The following TJP1 variants were observed in gnomAD, a reference collection of about 807,000 sequenced individuals.
TJP1 encodes the protein tight junction protein 1.
Under a neutral mutation model 194.2 loss-of-function variants are expected in TJP1, and 43 were observed. The ratio of observed to expected loss-of-function variants is 0.22; its 90% CI spans 0.17 to 0.29. The LOEUF (loss-of-function observed/expected upper bound fraction) is 0.29. TJP1 is among the 10% of genes least tolerant of loss of function. The probability of loss-of-function intolerance (pLI) is 1.00; values close to 1 mark genes in which losing one functional copy is unlikely to be tolerated. For missense variants in TJP1, 1,971 were observed against 2,185.7 expected, an observed-to-expected ratio of 0.90 and a Z score of 1.96; for synonymous variants, 801 against 779.0, an observed-to-expected ratio of 1.03 and a Z score of -0.47.
intron 2 of TJP1, among the ~76,000 whole-genome samples, chr15:29,870,627 G>A (rs761707736): frequency 1.2e-4 from 18 of 152,244 alleles, no homozygotes; most frequent in Non-Finnish European, 1.5e-4. Context: ...TTTAGCTTGC[G>A]GGTGAGTGTT....
chr15:29,929,383 C>G (rs1038438378), intron 2 of TJP1, among the ~76,000 whole-genome samples: 2 of 151,878 alleles, frequency 1.3e-5, no homozygotes, highest in African/African-American at 2.4e-5. Context: ...AAGAAGAAAG[C>G]CTGAAAACCA....
chr15:29,851,619 A>T (rs1428306234), intron 2 of TJP1, among the ~76,000 whole-genome samples: 1 of 152,240 alleles, frequency 6.6e-6, no homozygotes, highest in Non-Finnish European at 1.5e-5. Flanking sequence ...GCTTATATGG[A>T]AAGGAAAAGA....
intron 2 of TJP1, among the ~76,000 whole-genome samples, chr15:29,829,323 C>T (rs2050766696): frequency 6.6e-6 from 1 of 152,166 alleles, no homozygotes; most frequent in African/African-American, 2.4e-5. Context: ...ATTCCTCCTA[C>T]TTTCCAAATG....
rs568929086 is a variant in TJP1, at chr15:29,714,743, G to A, written c.4202+1868C>T. Among the ~76,000 whole-genome samples, 821 of 135,534 alleles carry A rather than the reference G, an allele frequency of 6.1e-3. 1 individual carries two copies. Among genetic ancestry groups the A allele is most frequent in the Middle Eastern group, 0.016 (3 of 182 alleles). The allele number at this position is 135,534 out of a possible 152,430, so 88.9% of individuals were successfully genotyped here. A position where few individuals can be genotyped will look rare whatever the true frequency, so the allele number is the denominator to read the frequency against. Reference sequence around the variant, plus strand: ...TTTTTAGTAGAGATGGGGTTTCATCGTGTTAGCCAGGATGGTCTCGATCTC... The same window carrying A: ...TTTTTAGTAGAGATGGGGTTTCATCATGTTAGCCAGGATGGTCTCGATCTC... On this transcript the variant is annotated intron_variant, in intron 23 of 27. Transcript: ENST00000614355.
At chr15:29,937,284 C>A (rs1322120202) in intron 2 of TJP1, among the ~76,000 whole-genome samples, 1 of 152,076 alleles carries the variant, frequency 6.6e-6, no homozygotes, top group African/African-American at 2.4e-5. Flanking sequence ...AAACCTTGAA[C>A]AAACATTTGG....
chr15:29,967,936 T>C (rs924861638), intron 1 of TJP1, among the ~76,000 whole-genome samples: 1 of 152,224 alleles, frequency 6.6e-6, no homozygotes, highest in African/African-American at 2.4e-5. Context: ...AAAAGAATCT[T>C]AATCCTAAAT....
At chr15:29,926,166 G>C (rs910779695) in intron 2 of TJP1, among the ~76,000 whole-genome samples, 1 of 152,196 alleles carries the variant, frequency 6.6e-6, no homozygotes, top group African/African-American at 2.4e-5. Flanking sequence ...AAGTGTTTTT[G>C]TGAACTTTTA....
At chr15:29,747,850 T>C (rs1419379238) in intron 8 of TJP1, among the ~76,000 whole-genome samples, 2 of 152,210 alleles carry the variant, frequency 1.3e-5, no homozygotes, top group Admixed American at 6.5e-5. Context: ...ATTTTTATCT[T>C]TGGCCAATTT....
At chr15:29,928,042 T>C (rs1296085988) in intron 2 of TJP1, among the ~76,000 whole-genome samples, 1 of 151,990 alleles carries the variant, frequency 6.6e-6, no homozygotes, top group East Asian at 1.9e-4. Flanking sequence ...CCTCAATTTA[T>C]TTTTACATTT....
chr15:29,955,841 G>T (rs1390781651), intron 2 of TJP1, among the ~76,000 whole-genome samples: 1 of 147,642 alleles, frequency 6.8e-6, no homozygotes, highest in Non-Finnish European at 1.5e-5. Context: ...TAATATCAGA[G>T]TAATTATTGT....
rs536038806 is a variant in TJP1 at position 29,822,429 on chromosome 15, C to T, written c.-401G>A. 50 of 989,524 alleles carry T rather than the reference C, an allele frequency of 5.1e-5. No homozygotes were observed. The East Asian group carries it at 3.3e-3, about 65-fold the overall frequency. 61.3% of individuals were successfully genotyped at this position (989,524 alleles called of 1,614,324 possible). On this transcript the variant is annotated 5_prime_UTR_variant, in exon 1 of 28. Transcript: ENST00000614355. ...AACCGGCGGCCGCCAAGGAACGCGG[C>T]GTCCGCTGGCTCAGCCGGCGCCGGC... is the stretch of plus-strand genomic sequence containing the variant.
At chr15:29,728,334 T>A (rs1191693318) in intron 15 of TJP1, 2 of 247,134 alleles carry the variant, frequency 8.1e-6, no homozygotes, top group East Asian at 1.9e-4. Flanking sequence ...CCACCCTTTT[T>A]CACACTGTAA....
At chr15:29,780,285 A>G (rs1369328859) in intron 2 of TJP1, among the ~76,000 whole-genome samples, 1 of 152,048 alleles carries the variant, frequency 6.6e-6, no homozygotes, top group Non-Finnish European at 1.5e-5. Flanking sequence ...TCCTGCAACT[A>G]GATGGTCCCA....
intron 2 of TJP1, among the ~76,000 whole-genome samples, chr15:29,918,571 C>T (rs1180494348): frequency 6.6e-6 from 1 of 151,912 alleles, no homozygotes; most frequent in African/African-American, 2.4e-5. Context: ...CCCATCATTA[C>T]AAAAAATTAC....
intron 1 of TJP1, among the ~76,000 whole-genome samples, chr15:29,808,671 ACT>A (rs1421420108): frequency 6.6e-6 from 1 of 152,192 alleles, no homozygotes; most frequent in African/African-American, 2.4e-5. Flanking sequence ...TAAGATATTT[ACT>A]CTGTCTTTCC....
intron 2 of TJP1, among the ~76,000 whole-genome samples, chr15:29,943,913 A>G (rs1452139386): frequency 6.6e-6 from 1 of 151,758 alleles, no homozygotes; most frequent in Non-Finnish European, 1.5e-5. Context: ...GTGCCACTGC[A>G]CTCCAGCCTA....
chr15:29,901,003 AG>A (rs748721193), intron 2 of TJP1, among the ~76,000 whole-genome samples: 33 of 152,154 alleles, frequency 2.2e-4, no homozygotes, highest in Non-Finnish European at 3.8e-4. Flanking sequence ...GTGACAACAG[AG>A]TAGTGGTGTC....
chr15:29,739,065 A>C (rs953095786), intron 10 of TJP1, among the ~76,000 whole-genome samples: 1 of 151,838 alleles, frequency 6.6e-6, no homozygotes, highest in African/African-American at 2.4e-5. Flanking sequence ...GCAAAACAAA[A>C]ACAAAAACAA....
At chr15:29,940,951 T>C in intron 2 of TJP1, among the ~76,000 whole-genome samples, 1 of 152,048 alleles carries the variant, frequency 6.6e-6, no homozygotes, top group African/African-American at 2.4e-5. Context: ...ACTGTGCCAC[T>C]TTCACAGATG....
Sources: allele counts gnomAD v4.1 joint callset (sites outside exome capture counted in the v4.1 genomes callset), GRCh38; gene constraint gnomAD v4.1.1; transcripts MANE v1.5; gene names NCBI Gene and HGNC (gene_info 2026-07-23, HGNC 2026-07-21).